SARNP: variants seen among roughly 807,000 people sequenced by gnomAD.
SARNP encodes the protein SAP domain-containing ribonucleoprotein.
Under a neutral mutation model 38.1 loss-of-function variants are expected in SARNP, and 5 were observed. That is an observed-to-expected ratio of 0.13 (90% confidence interval 0.07 to 0.28). The LOEUF is 0.28. Ranked by LOEUF, SARNP falls within the 10% of genes least tolerant of loss-of-function variation. The pLI is 1.00. For synonymous variants in SARNP, 84 were observed against 80.6 expected (o/e 1.04, Z -0.23); for missense variants, 180 against 243.9 (o/e 0.74, Z 1.75).
chr12:55,817,409 C>G (rs1254967659), intron 1 of SARNP, among the ~76,000 whole-genome samples: 3 of 152,236 alleles, frequency 2.0e-5, no homozygotes, highest in African/African-American at 7.2e-5. Context: ...ACTTACACAA[C>G]CCAGTGGGGA....
At chr12:55,810,833 T>C (rs566323499) in intron 1 of SARNP, among the ~76,000 whole-genome samples, 5 of 151,368 alleles carry the variant, frequency 3.3e-5, no homozygotes, top group Non-Finnish European at 1.5e-5. Context: ...TCCCAACACT[T>C]TGGGAGTCCG....
intron 9 of SARNP, among the ~76,000 whole-genome samples, chr12:55,780,511 G>GAAAAGA (rs200189262): frequency 6.6e-6 from 1 of 151,012 alleles, no homozygotes; most frequent in African/African-American, 2.4e-5. Flanking sequence ...GAAAAGAAAA[G>GAAAAGA]AAAGAAAGAT....
intron 9 of SARNP, among the ~76,000 whole-genome samples, chr12:55,777,083 G>A (rs1278103098): frequency 6.6e-6 from 1 of 150,758 alleles, no homozygotes; most frequent in Admixed American, 6.6e-5. Flanking sequence ...ACATTATGGA[G>A]GGGGTATTGA....
At chr12:55,767,584 A>T (rs570953318) in intron 9 of SARNP, among the ~76,000 whole-genome samples, 1 of 152,026 alleles carries the variant, frequency 6.6e-6, no homozygotes, top group African/African-American at 2.4e-5. Flanking sequence ...ACAGTGGCTC[A>T]TGCCTGTAAT....
At chr12:55,816,334 TAAAC>T (rs1271643971) in intron 1 of SARNP, among the ~76,000 whole-genome samples, 4 of 152,212 alleles carry the variant, frequency 2.6e-5, no homozygotes, top group African/African-American at 7.2e-5. Context: ...ACAGTATATA[TAAAC>T]AAAGTGGAGA....
At chr12:55,782,121 C>T (rs1190224533) in intron 9 of SARNP, among the ~76,000 whole-genome samples, 4 of 152,152 alleles carry the variant, frequency 2.6e-5, no homozygotes, top group Admixed American at 2.0e-4. Flanking sequence ...CTTAAGACAA[C>T]TCTTTAGGAC....
intron 9 of SARNP, among the ~76,000 whole-genome samples, chr12:55,771,719 T>C (rs1446571386): frequency 6.6e-6 from 1 of 152,196 alleles, no homozygotes; most frequent in Non-Finnish European, 1.5e-5. Flanking sequence ...GTAAATGAGT[T>C]ACCATACTAA....
intron 9 of SARNP, among the ~76,000 whole-genome samples, chr12:55,773,145 T>C (rs991404658): frequency 3.9e-5 from 6 of 152,196 alleles, no homozygotes; most frequent in African/African-American, 1.4e-4. Context: ...TCATCTAAAG[T>C]ATTTAAAAAT....
intron 2 of SARNP, among the ~76,000 whole-genome samples, chr12:55,801,420 G>A (rs1428614143): frequency 6.6e-6 from 1 of 152,134 alleles, no homozygotes; most frequent in Non-Finnish European, 1.5e-5. Context: ...TCCAGCCTGG[G>A]TGACAGAGCA....
chr12:55,767,934 G>A (rs1360679415), intron 9 of SARNP, among the ~76,000 whole-genome samples: 1 of 149,282 alleles, frequency 6.7e-6, no homozygotes, highest in Admixed American at 6.7e-5. Flanking sequence ...AATCACCAAA[G>A]GCTGGTAAGA....
In SARNP at chr12:55,800,909, T is replaced by C. The variant is rs1169024200; in HGVS notation, c.137-9A>G. 30 of 1,609,264 alleles carry C rather than the reference T, an allele frequency of 1.9e-5. No individual in the cohort carries two copies. Among genetic ancestry groups the C allele is most frequent in the Non-Finnish European group, 2.1e-5 (25 of 1,175,788 alleles). On this transcript the variant is annotated splice_polypyrimidine_tract_variant and intron_variant, in intron 2 of 10. Coordinates refer to ENST00000336133, the MANE Select transcript of SARNP (RefSeq NM_033082.4). ...ATTTGCCTCCTCTTCAGCTAAAGAA[T>C]ATTAAAATATTCAGGTCAAGCCCTG...
chr12:55,801,277 C>CA (rs1879972128), intron 2 of SARNP, among the ~76,000 whole-genome samples: 2 of 151,978 alleles, frequency 1.3e-5, no homozygotes, highest in African/African-American at 2.4e-5. Context: ...CCCGTCTTTA[C>CA]AAAAAACATA....
chr12:55,790,275 C>A (rs7305787), intron 8 of SARNP, among the ~76,000 whole-genome samples: 111,780 of 151,926 alleles, frequency 0.74, 46,774 homozygotes, highest in Non-Finnish European at 0.94. Flanking sequence ...GGCCACTGGA[C>A]AAGGCCTCCA....
chr12:55,787,985 G>A (rs529036946), intron 9 of SARNP, among the ~76,000 whole-genome samples: 6 of 152,098 alleles, frequency 3.9e-5, no homozygotes, highest in Non-Finnish European at 8.8e-5. Context: ...TCCTGACCTC[G>A]TGATCCGCAC....
At chr12:55,752,967 G>A (rs1264412153), downstream of SARNP, 1 of 152,260 alleles carries the variant, frequency 6.6e-6, no homozygotes, top group Non-Finnish European at 1.5e-5. Context: ...GAAACCTCGT[G>A]TTCAATGACT....
chr12:55,752,749 G>C (rs927951460), downstream of SARNP: 1 of 152,144 alleles, frequency 6.6e-6, no homozygotes, highest in Non-Finnish European at 1.5e-5. Context: ...AAGGCCATCA[G>C]GCAGTTTTCA....
At chr12:55,816,092 A>G (rs1378782832) in intron 1 of SARNP, among the ~76,000 whole-genome samples, 1 of 152,250 alleles carries the variant, frequency 6.6e-6, no homozygotes, top group African/African-American at 2.4e-5. Context: ...CAAATTTTAT[A>G]TAGACCTGAC....
At chr12:55,783,682 T>C (rs1476488358) in intron 9 of SARNP, among the ~76,000 whole-genome samples, 1 of 152,024 alleles carries the variant, frequency 6.6e-6, no homozygotes, top group Non-Finnish European at 1.5e-5. Flanking sequence ...CTGAAATATA[T>C]AAATAGTCAT....
At chr12:55,782,333 G>A (rs1879363236) in intron 9 of SARNP, among the ~76,000 whole-genome samples, 2 of 152,178 alleles carry the variant, frequency 1.3e-5, no homozygotes, top group African/African-American at 4.8e-5. Flanking sequence ...CTTAGTGCCT[G>A]GGATTAGACT....
Sources: gnomAD v4.1 joint callset for allele counts (sites outside exome capture counted in the v4.1 genomes callset) on GRCh38, gnomAD v4.1.1 for gene constraint, MANE v1.5 for transcripts, NCBI Gene and HGNC (gene_info 2026-07-23, HGNC 2026-07-21) for gene names.